CRYBG1: variants seen among roughly 807,000 people sequenced by gnomAD.
CRYBG1 encodes the protein crystallin beta-gamma domain containing 1.
In CRYBG1, 139 loss-of-function variants were observed where a neutral mutation model predicts 189.2. The observed-to-expected ratio is 0.73, with a 90% CI of 0.64 to 0.85. CRYBG1 has a LOEUF of 0.85. Ranked by LOEUF, CRYBG1 falls within the 40% of genes least tolerant of loss-of-function variation. The pLI, the probability that CRYBG1 is intolerant of heterozygous loss-of-function variation, is 0.00. For missense variants in CRYBG1, 2,611 were observed against 2,675.8 expected, an observed-to-expected ratio of 0.98 and a Z score of 0.53; for synonymous variants, 1,023 against 1,017.1, an observed-to-expected ratio of 1.01 and a Z score of -0.11.
chr6:106,468,226 A>G (rs1269827519), intron 2 of CRYBG1, among the ~76,000 whole-genome samples: 1 of 152,206 alleles, frequency 6.6e-6, no homozygotes, highest in East Asian at 1.9e-4. Context: ...GAGTCGAGGA[A>G]GATAAGCAAT....
intron 2 of CRYBG1, among the ~76,000 whole-genome samples, chr6:106,480,497 C>T (rs1279944141): frequency 8.1e-6 from 1 of 122,808 alleles, no homozygotes; most frequent in Admixed American, 8.3e-5. Context: ...TTTTTCTCTA[C>T]TGAAAAAAAA....
chr6:106,389,768 A>G (rs1454480914), intron 1 of CRYBG1, among the ~76,000 whole-genome samples: 1 of 152,074 alleles, frequency 6.6e-6, no homozygotes, highest in Non-Finnish European at 1.5e-5. Flanking sequence ...TATATATAAT[A>G]TAAAAGCATA....
chr6:106,437,684 G>A (rs937535992), intron 1 of CRYBG1, among the ~76,000 whole-genome samples: 2 of 152,186 alleles, frequency 1.3e-5, no homozygotes, highest in African/African-American at 2.4e-5. Flanking sequence ...TGATCCTCCT[G>A]CCTTGGCCTC....
rs1366917265 is a variant in CRYBG1 at position 106,570,053 on chromosome 6, C to A, written c.*1487C>A. ...AACTGACAAGACACCAGCCCATACG[C>A]TGCTCTTCCAACAGTGGGTTCTAGC... is the stretch of plus-strand genomic sequence containing the variant. On this transcript the variant is annotated 3_prime_UTR_variant, in exon 22 of 22. Transcript: ENST00000633556. The A allele has an allele frequency of 1.3e-5, 2 of 152,252 alleles. No homozygotes were observed. The highest frequency in any genetic ancestry group is 4.8e-5 in the African/African-American group (2 of 41,474). 9.4% of individuals were successfully genotyped at this position (152,252 alleles called of 1,614,324 possible). A position where few individuals can be genotyped will look rare whatever the true frequency, so the allele number is the denominator to read the frequency against.
At chr6:106,403,401 A>G (rs941568618) in intron 1 of CRYBG1, among the ~76,000 whole-genome samples, 3 of 152,206 alleles carry the variant, frequency 2.0e-5, no homozygotes, top group African/African-American at 7.2e-5. Context: ...GCGTGGAATA[A>G]CATGATTCCG....
intron 13 of CRYBG1, among the ~76,000 whole-genome samples, chr6:106,547,212 A>ACACACACACC (rs1554191201): frequency 6.6e-5 from 4 of 60,314 alleles, no homozygotes; most frequent in East Asian, 3.9e-4. Context: ...ACACACACAC[A>ACACACACACC]CCACTTCCTT....
Position 106,525,260 on chromosome 6 carries a change from T to G in CRYBG1, c.4294-8T>G. On this transcript the variant is annotated splice_region_variant and splice_polypyrimidine_tract_variant and intron_variant, in intron 5 of 21. Transcript: ENST00000633556. ...ACAAAGTGTGCTACCACTTTCGTTT[T>G]CTTGCAGGTAGTGATATATAGTGAA... 2.5e-6 allele frequency: 4 copies of G among 1,614,012 alleles called. No individual in the cohort carries two copies. Among genetic ancestry groups the G allele is most frequent in the Non-Finnish European group, 3.4e-6 (4 of 1,179,864 alleles).
chr6:106,443,784 C>A (rs1771608172), intron 1 of CRYBG1, among the ~76,000 whole-genome samples: 1 of 152,078 alleles, frequency 6.6e-6, no homozygotes, highest in African/African-American at 2.4e-5. Context: ...TATTTTGATA[C>A]AGGCATATAA....
intron 2 of CRYBG1, among the ~76,000 whole-genome samples, chr6:106,476,323 G>C (rs969944344): frequency 4.6e-5 from 7 of 152,302 alleles, no homozygotes; most frequent in Non-Finnish European, 8.8e-5. Context: ...TTCTCGGGAT[G>C]ATCCTTCTGA....
chr6:106,407,716 A>C (rs927113965), intron 1 of CRYBG1, among the ~76,000 whole-genome samples: 1 of 152,230 alleles, frequency 6.6e-6, no homozygotes, highest in African/African-American at 2.4e-5. Context: ...AGGATTAAGA[A>C]ACTCACTCTA....
chr6:106,403,244 G>C (rs1393732076), intron 1 of CRYBG1, among the ~76,000 whole-genome samples: 4 of 152,168 alleles, frequency 2.6e-5, no homozygotes, highest in Non-Finnish European at 5.9e-5. Flanking sequence ...GGCTGAGGTG[G>C]GAGGATTACT....
intron 2 of CRYBG1, among the ~76,000 whole-genome samples, chr6:106,453,685 G>A (rs898582165): frequency 1.3e-5 from 2 of 152,206 alleles, no homozygotes; most frequent in Admixed American, 6.5e-5. Flanking sequence ...AAAATTCGTG[G>A]CAGTGTTCAG....
intron 2 of CRYBG1, among the ~76,000 whole-genome samples, chr6:106,509,648 G>T (rs916694021): frequency 1.3e-5 from 2 of 151,938 alleles, no homozygotes; most frequent in African/African-American, 4.8e-5. Context: ...CTGACTCTGG[G>T]GGGTGGGTGA....
chr6:106,408,752 A>G (rs1770871027), intron 1 of CRYBG1, among the ~76,000 whole-genome samples: 1 of 152,216 alleles, frequency 6.6e-6, no homozygotes, highest in African/African-American at 2.4e-5. Flanking sequence ...CATCACATAA[A>G]CAGAACCAAT....
intron 2 of CRYBG1, among the ~76,000 whole-genome samples, chr6:106,497,349 T>A (rs924917015): frequency 2.0e-5 from 3 of 152,256 alleles, no homozygotes; most frequent in Admixed American, 6.5e-5. Flanking sequence ...AGAGGAAGTG[T>A]GAACTGCTTC....
intron 7 of CRYBG1, among the ~76,000 whole-genome samples, chr6:106,527,978 G>A (rs922702257): frequency 1.3e-5 from 2 of 152,206 alleles, no homozygotes; most frequent in African/African-American, 4.8e-5. Flanking sequence ...CTTGTTATTT[G>A]ATGAGGAAAG....
At chr6:106,385,916 G>A (rs1217596797) in intron 1 of CRYBG1, among the ~76,000 whole-genome samples, 1 of 152,138 alleles carries the variant, frequency 6.6e-6, no homozygotes, top group East Asian at 1.9e-4. Flanking sequence ...TGCTCTCAGT[G>A]CAGGCCCATT....
chr6:106,367,775 C>A (rs1377856923), intron 1 of CRYBG1, among the ~76,000 whole-genome samples: 6 of 139,784 alleles, frequency 4.3e-5, no homozygotes, highest in Admixed American at 1.5e-4. Context: ...ACAGCCTAGG[C>A]AACAAACTCA....
At chr6:106,449,754 G>A (rs1481188569) in intron 1 of CRYBG1, among the ~76,000 whole-genome samples, 3 of 152,086 alleles carry the variant, frequency 2.0e-5, no homozygotes. Flanking sequence ...GAAGATATTA[G>A]CCTCACAGGT....
Sources: gnomAD v4.1 joint callset for allele counts (sites outside exome capture counted in the v4.1 genomes callset) on GRCh38, gnomAD v4.1.1 for gene constraint, MANE v1.5 for transcripts, NCBI Gene and HGNC (gene_info 2026-07-23, HGNC 2026-07-21) for gene names.